Variants in EFR3A observed in about 807,000 individuals in gnomAD.
EFR3A encodes the protein protein EFR3 homolog A.
In EFR3A, 76 loss-of-function variants were observed where a neutral mutation model predicts 104.4. That is an observed-to-expected ratio of 0.73 (90% CI 0.60 to 0.88). The LOEUF (loss-of-function observed/expected upper bound fraction) is 0.88. Among genes scored for constraint, EFR3A ranks in the 40% least tolerant of loss-of-function variants. EFR3A has a pLI of 0.00. For missense variants in EFR3A, 985 were observed against 1,012.5 expected (o/e 0.97, Z 0.37); for synonymous variants, 330 against 330.0 (o/e 1.00, Z 0.00).
chr8:131,999,176 A>T (rs1357502087), intron 19 of EFR3A, among the ~76,000 whole-genome samples: 1 of 152,126 alleles, frequency 6.6e-6, no homozygotes, highest in African/African-American at 2.4e-5. Context: ...TATATGTTAA[A>T]TTTTTTGATA....
chr8:131,909,198 G>A (rs1816391365), intron 1 of EFR3A, among the ~76,000 whole-genome samples: 1 of 152,190 alleles, frequency 6.6e-6, no homozygotes, highest in African/African-American at 2.4e-5. Flanking sequence ...AGTCAGATAA[G>A]TTATTCTTTG....
intron 1 of EFR3A, among the ~76,000 whole-genome samples, chr8:131,925,354 C>T (rs1031348818): frequency 2.0e-5 from 3 of 152,100 alleles, no homozygotes; most frequent in Non-Finnish European, 4.4e-5. Context: ...TAGTTAAATT[C>T]AACAGCAGTT....
chr8:131,910,397 G>C (rs71526227), intron 1 of EFR3A, among the ~76,000 whole-genome samples: 7,336 of 152,078 alleles, frequency 0.048, 302 homozygotes, highest in South Asian at 0.13. Context: ...TCGGCCTCCC[G>C]AGTAGCTGGG....
intron 19 of EFR3A, among the ~76,000 whole-genome samples, chr8:132,001,412 C>G (rs548800003): frequency 1.1e-4 from 16 of 152,298 alleles, no homozygotes; most frequent in Admixed American, 9.8e-4. Flanking sequence ...TGTTTACTTA[C>G]AACACAGTGT....
chr8:131,973,554 A>T lies in EFR3A; in HGVS notation c.1160-2473A>T, dbSNP rs953151554. On this transcript the variant is annotated intron_variant, in intron 10 of 22. Coordinates refer to ENST00000254624, the MANE Select transcript of EFR3A (RefSeq NM_015137.6). Reference sequence around the variant, plus strand: ...AGAGGAAAGAAATGCAGTGTGGCACAGTAAGATTTCTCTTTTAAAATCAAA... The same window carrying T: ...AGAGGAAAGAAATGCAGTGTGGCACTGTAAGATTTCTCTTTTAAAATCAAA... Among the ~76,000 whole-genome samples, 5 of 152,344 alleles carry T rather than the reference A, an allele frequency of 3.3e-5. No individual in the cohort carries two copies. The South Asian group carries it at 1.0e-3, about 32-fold the overall frequency.
At position 131,904,144 on chromosome 8, in the gene EFR3A, G is replaced by T; in HGVS notation, c.-169G>T. On this transcript the variant is annotated 5_prime_UTR_variant, in exon 1 of 23. Coordinates refer to ENST00000254624, the MANE Select transcript of EFR3A (RefSeq NM_015137.6). ...GGGCTGGCGGCGGTAGCTGTCGCCCGCTTGGTTGCGTGACCGCGGGGTCCG... is the reference window on the plus strand; with the variant it reads ...GGGCTGGCGGCGGTAGCTGTCGCCCTCTTGGTTGCGTGACCGCGGGGTCCG... 2.7e-6 allele frequency: 2 copies of T among 747,136 alleles called. No homozygotes were observed. Among genetic ancestry groups the T allele is most frequent in the Non-Finnish European group, 3.6e-6 (2 of 548,810 alleles). 46.3% of individuals were successfully genotyped at this position (747,136 alleles called of 1,614,324 possible). A position where few individuals can be genotyped will look rare whatever the true frequency, so the allele number is the denominator to read the frequency against.
intron 1 of EFR3A, among the ~76,000 whole-genome samples, chr8:131,915,090 A>G (rs886650365): frequency 2.0e-5 from 3 of 152,126 alleles, no homozygotes; most frequent in Admixed American, 6.5e-5. Context: ...TGTCTTTGCT[A>G]TTGTGAATAG....
At chr8:131,995,666 G>A (rs1586669130) in intron 18 of EFR3A, among the ~76,000 whole-genome samples, 1 of 152,324 alleles carries the variant, frequency 6.6e-6, no homozygotes, top group Admixed American at 6.5e-5. Flanking sequence ...TGTCAGAAGA[G>A]TGGTTGGGGT....
intron 1 of EFR3A, among the ~76,000 whole-genome samples, chr8:131,912,934 A>G (rs1194910213): frequency 1.3e-5 from 2 of 151,136 alleles, no homozygotes; most frequent in Non-Finnish European, 2.9e-5. Flanking sequence ...TCATTGGTGG[A>G]TTATGTTGTT....
At chr8:131,932,954 T>C (rs947393325) in intron 1 of EFR3A, among the ~76,000 whole-genome samples, 8 of 152,126 alleles carry the variant, frequency 5.3e-5, no homozygotes, top group Non-Finnish European at 1.2e-4. Context: ...CTTAGACCAC[T>C]ACATAATTAC....
At chr8:131,917,980 G>A (rs1385850922) in intron 1 of EFR3A, among the ~76,000 whole-genome samples, 1 of 152,164 alleles carries the variant, frequency 6.6e-6, no homozygotes, top group Non-Finnish European at 1.5e-5. Context: ...ACCACAGTGT[G>A]TGTTTGTGAT....
chr8:131,989,998 T>A (rs898626966), intron 18 of EFR3A, among the ~76,000 whole-genome samples: 1 of 152,246 alleles, frequency 6.6e-6, no homozygotes, highest in Non-Finnish European at 1.5e-5. Flanking sequence ...AAAACAGTAG[T>A]GTCCCCCATC....
In EFR3A at chr8:131,905,576, A is replaced by G. The variant is rs534742666; in HGVS notation, c.10+1254A>G. ...GTGGATTTTGTTTTCTTCACACACT[A>G]CTGTGTGTCCTTAACTCACGTTCTT... On this transcript the variant is annotated intron_variant, in intron 1 of 22. Transcript: ENST00000254624. Among the ~76,000 whole-genome samples, 63 of 152,320 alleles carry G rather than the reference A, an allele frequency of 4.1e-4. No individual in the cohort carries two copies. The South Asian group carries it at 6.6e-3, about 16-fold the overall frequency.
intron 20 of EFR3A, 40 bp downstream of exon 20, chr8:132,001,847 C>T (rs1438837578): frequency 4.6e-6 from 7 of 1,535,388 alleles, no homozygotes; most frequent in African/African-American, 1.4e-5. Context: ...CAATATTTAA[C>T]TTATCTTTAT....
At position 132,011,296 on chromosome 8, in the gene EFR3A, G is replaced by T; in HGVS notation, c.*401G>T. 1 of 988,218 alleles carries T rather than the reference G, an allele frequency of 1.0e-6. No homozygotes were observed. Among genetic ancestry groups the T allele is most frequent in the Non-Finnish European group, 1.2e-6 (1 of 831,570 alleles). The allele number at this position is 988,218 out of a possible 1,614,324, so 61.2% of individuals were successfully genotyped here. ...ACAGCCGCTTAGATGTAGAATTTTT[G>T]TTGTTGTTTTCTGCAAAGGCAGATA... On this transcript the variant is annotated 3_prime_UTR_variant, in exon 23 of 23. Transcript: ENST00000254624.
intron 1 of EFR3A, among the ~76,000 whole-genome samples, chr8:131,927,471 T>C (rs2130479895): frequency 6.6e-6 from 1 of 152,310 alleles, no homozygotes; most frequent in East Asian, 1.9e-4. Flanking sequence ...ATTAAAGTGT[T>C]GTCACACCCT....
At chr8:131,969,838 GAA>G (rs1238189619) in intron 9 of EFR3A, among the ~76,000 whole-genome samples, 1 of 152,158 alleles carries the variant, frequency 6.6e-6, no homozygotes, top group Non-Finnish European at 1.5e-5. Flanking sequence ...CTATACGTTT[GAA>G]GAGGCATTTA....
At chr8:131,936,310 A>G (rs1162024149) in intron 1 of EFR3A, among the ~76,000 whole-genome samples, 9 of 152,150 alleles carry the variant, frequency 5.9e-5, no homozygotes, top group Non-Finnish European at 8.8e-5. Context: ...TACTGTCACA[A>G]TACTTGAACA....
At chr8:131,924,805 C>A (rs769109494) in intron 1 of EFR3A, among the ~76,000 whole-genome samples, 1 of 152,044 alleles carries the variant, frequency 6.6e-6, no homozygotes, top group African/African-American at 2.4e-5. Context: ...TGGCTGAGCT[C>A]GTCTTTTACA....
Sources: allele counts gnomAD v4.1 joint callset (sites outside exome capture counted in the v4.1 genomes callset), GRCh38; gene constraint gnomAD v4.1.1; transcripts MANE v1.5; gene names NCBI Gene and HGNC (gene_info 2026-07-23, HGNC 2026-07-21).